The following HYAL4 variants were observed in gnomAD, a reference collection of about 807,000 sequenced individuals.
HYAL4 encodes hyaluronidase 4.
A neutral mutation model predicts 35.2 loss-of-function variants in HYAL4; 37 were observed. That is an observed-to-expected ratio of 1.05 (90% CI 0.81 to 1.38). The LOEUF (loss-of-function observed/expected upper bound fraction) is 1.38, where lower values mean the gene tolerates loss of function less well. Among genes scored for constraint, HYAL4 ranks in the 40% most tolerant of loss-of-function variants. The pLI is 0.00. For missense variants in HYAL4, 572 were observed against 572.4 expected (o/e 1.00, Z 0.01); for synonymous variants, 198 against 203.2 (o/e 0.97, Z 0.22).
intron 4 of HYAL4, 45 bp downstream of exon 4, chr7:123,874,895 G>C (rs1402462890): frequency 1.8e-6 from 2 of 1,111,492 alleles, no homozygotes; most frequent in Non-Finnish European, 2.8e-6. Flanking sequence ...TCTATTAAAA[G>C]TATTTCTCTG....
chr7:123,771,391 C>T, the HYAL4 span, among the ~76,000 whole-genome samples: 1 of 152,098 alleles, frequency 6.6e-6, no homozygotes, highest in Non-Finnish European at 1.5e-5. Flanking sequence ...ATATTTCAGA[C>T]TGCATAATTC....
the HYAL4 span, among the ~76,000 whole-genome samples, chr7:123,775,345 C>T: frequency 4.6e-5 from 7 of 152,084 alleles, no homozygotes; most frequent in African/African-American, 1.7e-4. Flanking sequence ...GAGAGGATTG[C>T]TTGAACCTAG....
intron 3 of HYAL4, among the ~76,000 whole-genome samples, chr7:123,873,402 G>GA (rs33930393): frequency 2.6e-4 from 37 of 141,504 alleles, no homozygotes; most frequent in Admixed American, 6.3e-4. Flanking sequence ...CAATTGCCCA[G>GA]AAAAAAAAAA....
the HYAL4 span, among the ~76,000 whole-genome samples, chr7:123,810,472 C>T: frequency 6.6e-6 from 1 of 152,180 alleles, no homozygotes; most frequent in East Asian, 1.9e-4. Flanking sequence ...GCAGTGAATG[C>T]AATTGCATCT....
In HYAL4 at chr7:123,869,205, A is replaced by G; in HGVS notation, c.932A>G (p.Glu311Gly). Residue 311 changes from glutamate to glycine, a missense_variant, in exon 3 of 5, where the codon GAA becomes GGA. By Grantham distance (98) the Glu-to-Gly change is moderately conservative (BLOSUM62 -2). Transcript: ENST00000223026. ...FVYTRLGYRD[E>G]PLFFLSKQDL... is the part of the protein sequence containing the mutation. The stretch of plus-strand genomic sequence containing the variant: ...TACACAAGGCTAGGGTACAGAGATG[A>G]ACCTTTATTTTTCCTTTCTAAGGTA... 1 of 1,601,202 alleles carries G rather than the reference A, an allele frequency of 6.2e-7. No individual in the cohort carries two copies. The highest frequency in any genetic ancestry group is 8.5e-7 in the Non-Finnish European group (1 of 1,173,522).
At chr7:123,837,677 T>TC (rs1051396181) in intron 1 of HYAL4, among the ~76,000 whole-genome samples, 3 of 46,934 alleles carry the variant, frequency 6.4e-5, no homozygotes, top group East Asian at 7.5e-4. Flanking sequence ...CCCTCCCCCC[T>TC]CCCCCCACCC....
At chr7:123,772,081 G>A in the HYAL4 span, among the ~76,000 whole-genome samples, 3 of 151,976 alleles carry the variant, frequency 2.0e-5, no homozygotes, top group Admixed American at 6.6e-5. Flanking sequence ...GACTGACATC[G>A]GCTTTCCTGA....
the HYAL4 span, among the ~76,000 whole-genome samples, chr7:123,775,016 G>A: frequency 1.1e-4 from 16 of 152,140 alleles, no homozygotes; most frequent in Admixed American, 5.2e-4. Context: ...GGAAAATATC[G>A]TTTCCACTCT....
At chr7:123,819,752 A>C in the HYAL4 span, among the ~76,000 whole-genome samples, 1 of 152,136 alleles carries the variant, frequency 6.6e-6, no homozygotes, top group Non-Finnish European at 1.5e-5. Context: ...GACTAAAATA[A>C]AACCTCCTCT....
At chr7:123,875,795 G>T (rs933851889) in intron 4 of HYAL4, among the ~76,000 whole-genome samples, 3 of 151,474 alleles carry the variant, frequency 2.0e-5, no homozygotes, top group South Asian at 4.2e-4. Context: ...ATTTCCAGAT[G>T]CGGTTTGTTT....
the HYAL4 span, chr7:123,819,363 G>A: frequency 1.3e-5 from 2 of 152,570 alleles, no homozygotes. Context: ...CATGCAATTG[G>A]CGAAAGTGCA....
the HYAL4 span, among the ~76,000 whole-genome samples, chr7:123,786,254 ACT>A: frequency 1.3e-5 from 2 of 152,150 alleles, no homozygotes; most frequent in East Asian, 3.9e-4. Context: ...AATTTTTCAC[ACT>A]CTACATAAGT....
intron 1 of HYAL4, among the ~76,000 whole-genome samples, chr7:123,831,388 A>C (rs1366991420): frequency 6.6e-6 from 1 of 152,192 alleles, no homozygotes; most frequent in Non-Finnish European, 1.5e-5. Flanking sequence ...TAGCAATGCT[A>C]AATGAACTGA....
At chr7:123,837,240 C>T (rs1281859228) in intron 1 of HYAL4, among the ~76,000 whole-genome samples, 1 of 152,134 alleles carries the variant, frequency 6.6e-6, no homozygotes, top group Non-Finnish European at 1.5e-5. Flanking sequence ...ACCCCAATCC[C>T]TTATAACTTG....
the HYAL4 span, among the ~76,000 whole-genome samples, chr7:123,803,144 A>G: frequency 1.1e-4 from 16 of 152,244 alleles, no homozygotes; most frequent in Admixed American, 9.2e-4. Flanking sequence ...CACAGACTCC[A>G]TGGGCAAGGT....
rs1807045420 is a variant in HYAL4, at chr7:123,877,018, T to C, written c.1309T>C (p.Cys437Arg). Reference protein sequence around the residue: ...AVMADTFSCHCYQGYEGADCR... With the variant: ...AVMADTFSCHRYQGYEGADCR... ...GATGGCAGATACATTTTCCTGTCAT[T>C]GTTATCAGGGATATGAAGGAGCTGA... Residue 437 changes from cysteine (C) to arginine (R), a missense_variant, in exon 5 of 5, where the codon TGT becomes CGT. Physicochemically the swap from Cys to Arg is radical, Grantham distance 180 (BLOSUM62 -3). Transcript: ENST00000223026. 1 of 1,614,080 alleles carries C rather than the reference T, an allele frequency of 6.2e-7. No individual in the cohort carries two copies. Among genetic ancestry groups the C allele is most frequent in the Admixed American group, 1.7e-5 (1 of 60,008 alleles).
the HYAL4 span, among the ~76,000 whole-genome samples, chr7:123,811,217 T>C: frequency 6.6e-6 from 1 of 152,198 alleles, no homozygotes; most frequent in South Asian, 2.1e-4. Context: ...AGGAGCATAA[T>C]GATTGGATTG....
intron 1 of HYAL4, among the ~76,000 whole-genome samples, chr7:123,836,651 T>TC (rs397725094): frequency 3.7e-4 from 56 of 151,940 alleles, no homozygotes; most frequent in Admixed American, 2.7e-3. Flanking sequence ...CTTTTTTTTT[T>TC]CAATGTCTTT....
chr7:123,867,898 G>T (rs1806729274), intron 2 of HYAL4, among the ~76,000 whole-genome samples: 1 of 152,124 alleles, frequency 6.6e-6, no homozygotes, highest in African/African-American at 2.4e-5. Context: ...CCTGGGATTT[G>T]ATGAGTTTTG....
Sources: allele counts gnomAD v4.1 joint callset (sites outside exome capture counted in the v4.1 genomes callset), GRCh38; gene constraint gnomAD v4.1.1; transcripts MANE v1.5; gene names NCBI Gene and HGNC (gene_info 2026-07-23, HGNC 2026-07-21).